Variants in METTL16 observed in about 807,000 individuals in gnomAD.
The protein encoded by METTL16 is methyltransferase 16, RNA N6-adenosine.
In METTL16, 19 loss-of-function variants were observed where a neutral mutation model predicts 57.9. That is an observed-to-expected ratio of 0.33 (90% CI 0.23 to 0.48). The LOEUF (loss-of-function observed/expected upper bound fraction) is 0.48. Among genes scored for constraint, METTL16 ranks in the 20% least tolerant of loss-of-function variants. The probability of loss-of-function intolerance (pLI) is 0.99; values close to 1 mark genes in which losing one functional copy is unlikely to be tolerated. For synonymous variants in METTL16, 246 were observed against 255.6 expected, an observed-to-expected ratio of 0.96 and a Z score of 0.36; for missense variants, 434 against 691.5, an observed-to-expected ratio of 0.63 and a Z score of 4.18.
chr17:2,477,847 G>T lies in METTL16; in HGVS notation c.167C>A (p.Thr56Lys). Reference protein sequence around the residue: ...FKDPEAVRALTCTLLREDFGL... With the variant: ...FKDPEAVRALKCTLLREDFGL... Reference sequence around the variant, plus strand: ...AAAATCTTCCCTTAGGAGAGTACACGTCAGAGCTCTGACTGCTTCGGGGTC... The same window carrying T: ...AAAATCTTCCCTTAGGAGAGTACACTTCAGAGCTCTGACTGCTTCGGGGTC... The change falls in exon 3 of 10, where the codon ACG becomes AAG. Residue 56 changes from threonine to lysine, a missense_variant. Thr to Lys is a moderately conservative substitution (Grantham distance 78). Around this residue, in one of 5 missense-constraint regions of METTL16, gnomAD observed 118 missense variants for 280.0 expected, o/e 0.42. Coordinates refer to ENST00000263092, the MANE Select transcript of METTL16 (RefSeq NM_024086.4). 6.2e-7 allele frequency: 1 copy of T among 1,613,998 alleles called. No homozygotes were observed.
intron 8 of METTL16, among the ~76,000 whole-genome samples, chr17:2,423,065 G>T (rs1033022961): frequency 6.6e-6 from 1 of 152,094 alleles, no homozygotes; most frequent in African/African-American, 2.4e-5. Flanking sequence ...GGAATCTGAC[G>T]ACTGCTACTG....
intron 6 of METTL16, among the ~76,000 whole-genome samples, chr17:2,447,168 G>C (rs1432899669): frequency 6.8e-6 from 1 of 146,262 alleles, no homozygotes; most frequent in East Asian, 1.9e-4. Context: ...TCCCATCTAG[G>C]AAGTGAGGAG....
chr17:2,456,285 CAA>C (rs1017147797), intron 6 of METTL16, among the ~76,000 whole-genome samples: 1 of 151,912 alleles, frequency 6.6e-6, no homozygotes, highest in African/African-American at 2.4e-5. Context: ...TACTGACTGA[CAA>C]CCCTACTTTG....
At chr17:2,446,731 T>C (rs1299565719) in intron 6 of METTL16, among the ~76,000 whole-genome samples, 1 of 152,020 alleles carries the variant, frequency 6.6e-6, no homozygotes, top group Non-Finnish European at 1.5e-5. Context: ...TGCCTCAGCC[T>C]GCTACGCCTC....
At chr17:2,435,519 G>A (rs2066902863) in intron 8 of METTL16, among the ~76,000 whole-genome samples, 1 of 152,154 alleles carries the variant, frequency 6.6e-6, no homozygotes, top group Non-Finnish European at 1.5e-5. Flanking sequence ...ACGACCCCCT[G>A]GGGAAAGCAG....
At chr17:2,461,252 G>A (rs1299696738) in intron 6 of METTL16, among the ~76,000 whole-genome samples, 1 of 152,064 alleles carries the variant, frequency 6.6e-6, no homozygotes, top group Non-Finnish European at 1.5e-5. Flanking sequence ...AACTACTCAG[G>A]AAGTTGAGGC....
At chr17:2,459,074 G>C (rs967636431) in intron 6 of METTL16, among the ~76,000 whole-genome samples, 12 of 152,134 alleles carry the variant, frequency 7.9e-5, no homozygotes, top group Non-Finnish European at 1.8e-4. Flanking sequence ...CCAAAGTGTT[G>C]GGATTACAGG....
chr17:2,464,808 A>C (rs2067178594), intron 5 of METTL16, among the ~76,000 whole-genome samples: 1 of 152,188 alleles, frequency 6.6e-6, no homozygotes, highest in Non-Finnish European at 1.5e-5. Flanking sequence ...TAAAACTATA[A>C]ATTTTCATGA....
chr17:2,482,359 G>A (rs2067313434), intron 2 of METTL16, among the ~76,000 whole-genome samples: 2 of 152,100 alleles, frequency 1.3e-5, no homozygotes, highest in African/African-American at 4.8e-5. Context: ...ACTAACTGAG[G>A]ACTTACTGTA....
intron 6 of METTL16, among the ~76,000 whole-genome samples, chr17:2,444,831 A>G (rs1160825804): frequency 6.6e-6 from 1 of 150,684 alleles, no homozygotes; most frequent in Non-Finnish European, 1.5e-5. Flanking sequence ...CCCCTGCCTC[A>G]GCCTCCCGAG....
chr17:2,510,031 C>T (rs925096534), intron 1 of METTL16, among the ~76,000 whole-genome samples: 19 of 151,206 alleles, frequency 1.3e-4, no homozygotes, highest in Non-Finnish European at 1.8e-4. Flanking sequence ...GAGCCAAGAT[C>T]GTGCTACTGC....
intron 2 of METTL16, among the ~76,000 whole-genome samples, chr17:2,492,959 T>C (rs932764439): frequency 2.7e-5 from 4 of 149,374 alleles, no homozygotes; most frequent in African/African-American, 9.8e-5. Flanking sequence ...TCAAGACTGA[T>C]ACTTAACAAG....
chr17:2,473,623 A>G lies in METTL16; in HGVS notation c.370T>C (p.Leu124=), dbSNP rs1363651524. ...SCIYPLLGAT[L]NGWYFLATEV... is the part of the protein sequence containing the mutation. ...GTTGCGAGGAAATACCAGCCATTCA[A>G]GGTTGCTCCAAGTAAGGGGTAGATG... is the stretch of plus-strand genomic sequence containing the variant. The change falls in exon 4 of 10, where the codon TTG becomes CTG. Residue 124 remains leucine, a synonymous_variant. Coordinates refer to ENST00000263092, the MANE Select transcript of METTL16 (RefSeq NM_024086.4). The G allele has an allele frequency of 5.6e-6, 9 of 1,614,042 alleles. No homozygotes were observed. The highest frequency in any genetic ancestry group is 7.6e-6 in the Non-Finnish European group (9 of 1,180,032).
chr17:2,487,719 G>A (rs2067353867), intron 2 of METTL16, among the ~76,000 whole-genome samples: 1 of 152,146 alleles, frequency 6.6e-6, no homozygotes, highest in Admixed American at 6.5e-5. Context: ...AAGATTAAAT[G>A]AGGGCAGAGT....
intron 6 of METTL16, chr17:2,459,761 G>A (rs1395259912): frequency 2.0e-5 from 3 of 152,208 alleles, no homozygotes; most frequent in Non-Finnish European, 4.4e-5. Context: ...CAGCACTTTG[G>A]GAGGCCGAGG....
intron 1 of METTL16, among the ~76,000 whole-genome samples, chr17:2,507,727 C>T (rs1369102838): frequency 6.6e-6 from 1 of 152,188 alleles, no homozygotes; most frequent in African/African-American, 2.4e-5. Context: ...GGATGGTTGC[C>T]GTGGCTGTGT....
chr17:2,460,070 G>A (rs1210924775), intron 6 of METTL16: 1 of 152,190 alleles, frequency 6.6e-6, no homozygotes, highest in South Asian at 2.1e-4. Flanking sequence ...TTGTACAAAT[G>A]TAAGTCATCA....
At chr17:2,468,002 C>T (rs1275982817) in intron 4 of METTL16, 126 bp from the exon 5 acceptor site, 4 of 659,430 alleles carry the variant, frequency 6.1e-6, no homozygotes, top group Middle Eastern at 2.8e-4. Flanking sequence ...GATTATAACA[C>T]CACATTTTTA....
At chr17:2,480,360 C>A (rs1333157846) in intron 2 of METTL16, among the ~76,000 whole-genome samples, 2 of 152,032 alleles carry the variant, frequency 1.3e-5, no homozygotes, top group Non-Finnish European at 2.9e-5. Context: ...AAGAATGCTT[C>A]CAGACACTAA....
Sources: allele counts gnomAD v4.1 joint callset (sites outside exome capture counted in the v4.1 genomes callset), GRCh38; gene constraint gnomAD v4.1.1; regional missense constraint gnomAD v4.1.1; transcripts MANE v1.5; gene names NCBI Gene and HGNC (gene_info 2026-07-23, HGNC 2026-07-21).